PNPLA3: variants seen among roughly 807,000 people sequenced by gnomAD.
PNPLA3 encodes patatin like domain 3, 1-acylglycerol-3-phosphate O-acyltransferase, also known as 1-acylglycerol-3-phosphate O-acyltransferase PNPLA3.
A neutral mutation model predicts 43.1 loss-of-function variants in PNPLA3; 42 were observed. The observed-to-expected ratio is 0.97, with a 90% CI of 0.76 to 1.26. The LOEUF is 1.26. Ranked by LOEUF, PNPLA3 falls within the 50% of genes most tolerant of loss-of-function variation. PNPLA3 has a pLI of 0.00. For synonymous variants in PNPLA3, 272 were observed against 253.6 expected, an observed-to-expected ratio of 1.07 and a Z score of -0.69; for missense variants, 647 against 621.4, an observed-to-expected ratio of 1.04 and a Z score of -0.44.
At chr22:43,934,836 C>T (rs2049984764) in intron 5 of PNPLA3, among the ~76,000 whole-genome samples, 170 bp downstream of exon 5, 1 of 152,032 alleles carries the variant, frequency 6.6e-6, no homozygotes, top group African/African-American at 2.4e-5. Flanking sequence ...TCCCATTGTA[C>T]AGATGGGGAA....
chr22:43,939,872 G>T, intron 6 of PNPLA3, 121 bp from the exon 7 acceptor site: 1 of 1,356,496 alleles, frequency 7.4e-7, no homozygotes, highest in Non-Finnish European at 1.0e-6. Flanking sequence ...TTTTGTGAGT[G>T]CCTCTGACCC....
intron 3 of PNPLA3, among the ~76,000 whole-genome samples, chr22:43,930,062 C>G (rs761264241): frequency 6.6e-6 from 1 of 152,160 alleles, no homozygotes; most frequent in African/African-American, 2.4e-5. Flanking sequence ...AGCAGCGGAA[C>G]CTTTGATGCA....
chr22:43,944,307 C>G (rs140513853), intron 7 of PNPLA3, among the ~76,000 whole-genome samples: 71 of 152,306 alleles, frequency 4.7e-4, no homozygotes, highest in African/African-American at 1.7e-3. Context: ...GTTCAGACCT[C>G]TCCATGGTGC....
intron 6 of PNPLA3, among the ~76,000 whole-genome samples, chr22:43,939,683 G>A (rs1359231821): frequency 1.3e-5 from 2 of 152,202 alleles, no homozygotes; most frequent in African/African-American, 2.4e-5. Flanking sequence ...GGGCATGGTG[G>A]CAGGTGCCTG....
chr22:43,932,732 G>A (rs2049969381), intron 3 of PNPLA3, 146 bp from the exon 4 acceptor site: 5 of 700,820 alleles, frequency 7.1e-6, no homozygotes, highest in South Asian at 5.3e-5. Flanking sequence ...TTTGTCGCAG[G>A]AGTGATTCCA....
At chr22:43,936,151 G>T (rs921105984) in intron 5 of PNPLA3, among the ~76,000 whole-genome samples, 1 of 152,144 alleles carries the variant, frequency 6.6e-6, no homozygotes, top group African/African-American at 2.4e-5. Context: ...AGCCGGTATG[G>T]CAGGAAGAGC....
intron 7 of PNPLA3, among the ~76,000 whole-genome samples, chr22:43,942,910 G>T (rs993929690): frequency 4.0e-5 from 6 of 151,890 alleles, no homozygotes; most frequent in African/African-American, 1.5e-4. Context: ...TTACTATGTT[G>T]CCCAGACTTT....
At position 43,937,267 on chromosome 22, in the gene PNPLA3, C is replaced by T; in HGVS notation, c.974C>T (p.Ala325Val). The change falls in exon 6 of 9, where the codon GCT becomes GTT. Residue 325 changes from alanine (A) to valine (V), a missense_variant. Coordinates refer to ENST00000216180, the MANE Select transcript of PNPLA3 (RefSeq NM_025225.3). ...CTGGACACCCTCTCGCCCAGGCTCGCTACAGGTACCCACTCCTCGGGGTGA... is the reference window on the plus strand; with the variant it reads ...CTGGACACCCTCTCGCCCAGGCTCGTTACAGGTACCCACTCCTCGGGGTGA... ...SILDTLSPRL[A>V]TALSEEMKDK... The T allele has an allele frequency of 6.2e-7, 1 of 1,613,664 alleles. No homozygotes were observed. Among genetic ancestry groups the T allele is most frequent in the Non-Finnish European group, 8.5e-7 (1 of 1,179,980 alleles).
At chr22:43,931,178 T>C (rs915933591) in intron 3 of PNPLA3, among the ~76,000 whole-genome samples, 1 of 152,078 alleles carries the variant, frequency 6.6e-6, no homozygotes, top group African/African-American at 2.4e-5. Flanking sequence ...GCCACTGGCA[T>C]CTGATGTATA....
rs753966000 is a variant in PNPLA3, at chr22:43,928,886, C to T, written c.483C>T (p.Gly161=). Residue 161 remains glycine (G), a synonymous_variant, in exon 3 of 9, where the codon GGC becomes GGT. Transcript: ENST00000216180. ...GCCTTATCCCTCCTTCCTTCAGAGG[C>T]GTGGTAAGTCGGCTTTCTCTGCTAG... is the stretch of plus-strand genomic sequence containing the variant. The part of the protein sequence containing the change: ...YSGLIPPSFR[G]VRYVDGGVSD... 8.7e-6 allele frequency: 14 copies of T among 1,610,156 alleles called. No individual in the cohort carries two copies. The Admixed American group carries it at 1.2e-4, about 13-fold the overall frequency.
At chr22:43,933,527 A>G (rs919899797) in intron 4 of PNPLA3, among the ~76,000 whole-genome samples, 69 of 151,886 alleles carry the variant, frequency 4.5e-4, no homozygotes, top group Non-Finnish European at 7.4e-5. Flanking sequence ...GCTGGGACCC[A>G]CAGGCATGCA....
chr22:43,930,876 G>A (rs755042312), intron 3 of PNPLA3, among the ~76,000 whole-genome samples: 3 of 152,156 alleles, frequency 2.0e-5, no homozygotes, highest in African/African-American at 4.8e-5. Context: ...TGTCAGAACT[G>A]GGGGAGTACC....
intron 8 of PNPLA3, among the ~76,000 whole-genome samples, chr22:43,945,464 A>AG (rs35159265): frequency 6.6e-6 from 1 of 152,176 alleles, no homozygotes; most frequent in African/African-American, 2.4e-5. Context: ...CTTGGCTAAC[A>AG]GGGGTGATCC....
At chr22:43,934,316 T>TAAAAAA (rs3083286) in intron 4 of PNPLA3, among the ~76,000 whole-genome samples, 1 of 118,066 alleles carries the variant, frequency 8.5e-6, no homozygotes, top group Non-Finnish European at 1.7e-5. Flanking sequence ...GACTCTGCCT[T>TAAAAAA]AAAAAAAAAA....
chr22:43,924,167 T>TC (rs1435080277), intron 1 of PNPLA3, 69 bp downstream of exon 1: 2 of 1,371,112 alleles, frequency 1.5e-6, no homozygotes, highest in Admixed American at 7.3e-5. Context: ...GAGCGGGGGA[T>TC]CCCCAGGGGT....
intron 7 of PNPLA3, among the ~76,000 whole-genome samples, chr22:43,941,337 T>TG (rs1418494688): frequency 1.7e-4 from 3 of 17,470 alleles, no homozygotes; most frequent in Non-Finnish European, 3.4e-4. Flanking sequence ...CCTCTGAAAG[T>TG]GGGGGGGATG....
intron 1 of PNPLA3, chr22:43,924,426 G>A (rs986630251): frequency 3.1e-5 from 10 of 321,124 alleles, no homozygotes; most frequent in African/African-American, 2.0e-4. Context: ...GGAGCGACGG[G>A]GAGTAGGGAG....
chr22:43,923,832 G>T lies in PNPLA3; in HGVS notation c.-80G>T. ...AGAGCGCTTGCGGGCGCCGGGCGGAGCTGCTGCGGATCAGGACCCGAGCCG... is the reference window on the plus strand; with the variant it reads ...AGAGCGCTTGCGGGCGCCGGGCGGATCTGCTGCGGATCAGGACCCGAGCCG... On this transcript the variant is annotated 5_prime_UTR_variant, in exon 1 of 9. Coordinates refer to ENST00000216180, the MANE Select transcript of PNPLA3 (RefSeq NM_025225.3). The T allele has an allele frequency of 7.4e-7, 1 of 1,352,748 alleles. No individual in the cohort carries two copies. Among genetic ancestry groups the T allele is most frequent in the Non-Finnish European group, 9.6e-7 (1 of 1,043,010 alleles). 83.8% of individuals were successfully genotyped at this position (1,352,748 alleles called of 1,614,324 possible).
intron 1 of PNPLA3, among the ~76,000 whole-genome samples, chr22:43,925,327 C>G (rs956564526): frequency 1.3e-5 from 2 of 152,122 alleles, no homozygotes; most frequent in Non-Finnish European, 2.9e-5. Flanking sequence ...TTCTCACTAG[C>G]TGGAACTACT....
Sources: gnomAD v4.1 joint callset for allele counts (sites outside exome capture counted in the v4.1 genomes callset) on GRCh38, gnomAD v4.1.1 for gene constraint, MANE v1.5 for transcripts, NCBI Gene and HGNC (gene_info 2026-07-23, HGNC 2026-07-21) for gene names.